The following PKHD1 variants were observed in gnomAD, a reference collection of about 807,000 sequenced individuals.
PKHD1 encodes the protein PKHD1 ciliary IPT domain containing fibrocystin/polyductin.
PKHD1 carries 291 observed loss-of-function variants against 412.0 expected under a neutral mutation model. The observed-to-expected ratio is 0.71, with a 90% CI of 0.64 to 0.78. The LOEUF (loss-of-function observed/expected upper bound fraction) is 0.78. Among genes scored for constraint, PKHD1 ranks in the 30% least tolerant of loss-of-function variants. PKHD1 has a pLI of 0.00. For synonymous variants in PKHD1, 1,777 were observed against 1,821.5 expected, an observed-to-expected ratio of 0.98 and a Z score of 0.62; for missense variants, 4,825 against 4,950.7, an observed-to-expected ratio of 0.97 and a Z score of 0.76.
chr6:51,893,354 C>G (rs938815464), intron 43 of PKHD1, among the ~76,000 whole-genome samples: 1 of 152,192 alleles, frequency 6.6e-6, no homozygotes, highest in Non-Finnish European at 1.5e-5. Flanking sequence ...TGCCCTAGTG[C>G]CATTAGCATT....
intron 35 of PKHD1, among the ~76,000 whole-genome samples, chr6:51,978,191 TC>T (rs1171797680): frequency 6.6e-6 from 1 of 152,072 alleles, no homozygotes; most frequent in Non-Finnish European, 1.5e-5. Context: ...AAACAGCCAT[TC>T]CCCACCCCAC....
intron 6 of PKHD1, among the ~76,000 whole-genome samples, chr6:52,074,028 G>A (rs1293130565): frequency 6.6e-6 from 1 of 152,172 alleles, no homozygotes. Flanking sequence ...AATCTGATGG[G>A]TCTTCAGGGA....
chr6:51,654,383 AT>A (rs1309378442), intron 61 of PKHD1, among the ~76,000 whole-genome samples: 1 of 152,078 alleles, frequency 6.6e-6, no homozygotes, highest in Non-Finnish European at 1.5e-5. Flanking sequence ...TAATTTTCAA[AT>A]CTCTAGATTC....
intron 55 of PKHD1, among the ~76,000 whole-genome samples, chr6:51,766,293 C>G (rs542889450): frequency 6.6e-6 from 1 of 152,168 alleles, no homozygotes; most frequent in Non-Finnish European, 1.5e-5. Context: ...CAACAGGGAT[C>G]CTTGCTGTGC....
rs761153948 is a variant in PKHD1, at chr6:52,048,583, T to A, written c.2316A>T (p.Gly772=). 35 of 1,614,002 alleles carry A rather than the reference T, an allele frequency of 2.2e-5. No individual in the cohort carries two copies. Among genetic ancestry groups the A allele is most frequent in the Non-Finnish European group, 2.7e-5 (32 of 1,179,988 alleles). ...GTCTCTGTGTCGTCACCAGGACCAG[T>A]CCAGATCCCTCTTCTGTTCCTTCAG... ...VPTEGTEEGS[G]LVLVTTQRRQ... Residue 772 remains glycine (G), a synonymous_variant, in exon 23 of 67, where the codon GGA becomes GGT. Coordinates refer to ENST00000371117, the MANE Select transcript of PKHD1 (RefSeq NM_138694.4).
Position 52,025,771 on chromosome 6 carries a change from C to G in PKHD1, c.4039G>C (p.Val1347Leu). Residue 1347 changes from valine to leucine, a missense_variant, in exon 32 of 67, where the codon GTG (valine) becomes CTG (leucine). Coordinates refer to ENST00000371117, the MANE Select transcript of PKHD1 (RefSeq NM_138694.4). ...DVETQSFQGN[V>L]SLSGCSIPLH... ...GGGATGGAGCATCCAGACAGGCTCA[C>G]GTTGCCCTGGAAGGACTGTGTCTCA... The G allele has an allele frequency of 6.2e-7, 1 of 1,614,182 alleles. No individual in the cohort carries two copies. Among genetic ancestry groups the G allele is most frequent in the East Asian group, 2.2e-5 (1 of 44,886 alleles).
intron 65 of PKHD1, among the ~76,000 whole-genome samples, chr6:51,628,066 T>C (rs1459910064): frequency 1.3e-5 from 2 of 152,092 alleles, no homozygotes; most frequent in Non-Finnish European, 2.9e-5. Context: ...AAATAGACCT[T>C]TTCTTTTTCT....
chr6:51,939,083 G>A (rs1034413632), intron 36 of PKHD1, among the ~76,000 whole-genome samples: 5 of 151,494 alleles, frequency 3.3e-5, no homozygotes, highest in African/African-American at 1.2e-4. Flanking sequence ...ACATTTCAGA[G>A]GTGTCTGACC....
At chr6:51,930,330 C>A (rs1201874845) in intron 37 of PKHD1, among the ~76,000 whole-genome samples, 1 of 139,582 alleles carries the variant, frequency 7.2e-6, no homozygotes, top group Non-Finnish European at 1.5e-5. Context: ...CAACTCAGAA[C>A]CTGTCCTCAT....
chr6:51,964,279 G>A (rs1020214752), intron 35 of PKHD1, among the ~76,000 whole-genome samples: 1 of 152,102 alleles, frequency 6.6e-6, no homozygotes, highest in African/African-American at 2.4e-5. Flanking sequence ...ATTTGTGAGT[G>A]TATGCATTGA....
intron 60 of PKHD1, among the ~76,000 whole-genome samples, chr6:51,729,616 A>G (rs1783007000): frequency 6.6e-6 from 1 of 152,182 alleles, no homozygotes; most frequent in Admixed American, 6.6e-5. Context: ...AGAAGTACAG[A>G]GCTTTAGGTG....
At chr6:51,973,353 A>C (rs1793938334) in intron 35 of PKHD1, among the ~76,000 whole-genome samples, 1 of 152,192 alleles carries the variant, frequency 6.6e-6, no homozygotes, top group Admixed American at 6.5e-5. Context: ...CACTTTAATC[A>C]TTTACTTTAC....
chr6:52,054,056 G>C lies in PKHD1; in HGVS notation c.1946C>G (p.Thr649Arg), dbSNP rs1282234911. The change falls in exon 20 of 67, where the codon ACG (threonine) becomes AGG (arginine). Residue 649 changes from threonine to arginine, a missense_variant. By Grantham distance (71) the Thr-to-Arg change is moderately conservative (BLOSUM62 -1). Coordinates refer to ENST00000371117, the MANE Select transcript of PKHD1 (RefSeq NM_138694.4). ...TAGCTACCTCTCGGGGCTGGTCCTC[G>C]TGAGACTCCAGTCACAGGTGGTATT... is the stretch of plus-strand genomic sequence containing the variant. ...VKNTTCDWSLTRTSPESWQFD... is the reference protein window; with the variant it reads ...VKNTTCDWSLRRTSPESWQFD... 3 of 1,613,788 alleles carry C rather than the reference G, an allele frequency of 1.9e-6. No homozygotes were observed. The highest frequency in any genetic ancestry group is 2.2e-5 in the South Asian group (2 of 91,062).
intron 32 of PKHD1, 93 bp downstream of exon 32, chr6:52,024,481 G>A: frequency 8.4e-7 from 1 of 1,192,956 alleles, no homozygotes; most frequent in Non-Finnish European, 1.2e-6. Flanking sequence ...CTTCCATCAG[G>A]CAGATTGTGT....
intron 57 of PKHD1, among the ~76,000 whole-genome samples, chr6:51,751,386 G>A (rs1308141282): frequency 1.3e-5 from 2 of 152,042 alleles, no homozygotes; most frequent in Admixed American, 1.3e-4. Context: ...ATTGAATTCT[G>A]GAACAGAAAA....
intron 61 of PKHD1, among the ~76,000 whole-genome samples, chr6:51,649,606 C>A (rs920988922): frequency 6.6e-6 from 1 of 152,140 alleles, no homozygotes; most frequent in Non-Finnish European, 1.5e-5. Context: ...GCTATTAAAT[C>A]AGCTTCCCAA....
chr6:52,066,923 T>A (rs1301033633), intron 11 of PKHD1, among the ~76,000 whole-genome samples: 4 of 151,874 alleles, frequency 2.6e-5, no homozygotes, highest in African/African-American at 9.7e-5. Flanking sequence ...ATAAAAAATT[T>A]AAAAAAAGAA....
At chr6:52,058,187 A>T (rs1411921493) in intron 16 of PKHD1, 136 bp downstream of exon 16, 9 of 790,180 alleles carry the variant, frequency 1.1e-5, no homozygotes, top group Non-Finnish European at 1.8e-5. Flanking sequence ...CAATGCTGTT[A>T]AAGAGATATC....
chr6:51,885,632 C>T (rs1337516486), intron 45 of PKHD1, among the ~76,000 whole-genome samples: 1 of 152,120 alleles, frequency 6.6e-6, no homozygotes, highest in Admixed American at 6.5e-5. Flanking sequence ...GCCAAAAACA[C>T]CCAATGGAGA....
Sources: allele counts gnomAD v4.1 joint callset (sites outside exome capture counted in the v4.1 genomes callset), GRCh38; gene constraint gnomAD v4.1.1; transcripts MANE v1.5; gene names NCBI Gene and HGNC (gene_info 2026-07-23, HGNC 2026-07-21).